Variants in NRXN1 observed in about 807,000 individuals in gnomAD.
NRXN1 encodes neurexin 1, also known as neurexin-1.
NRXN1 carries 39 observed loss-of-function variants against 150.9 expected under a neutral mutation model. That is an observed-to-expected ratio of 0.26 (90% CI 0.20 to 0.34). NRXN1 has a LOEUF of 0.34. Ranked by LOEUF, NRXN1 falls within the 10% of genes least tolerant of loss-of-function variation. The probability of loss-of-function intolerance (pLI) is 1.00; values close to 1 mark genes in which losing one functional copy is unlikely to be tolerated. For missense variants in NRXN1, 1,815 were observed against 1,949.9 expected (o/e 0.93, Z 1.30); for synonymous variants, 924 against 757.0 (o/e 1.22, Z -3.62).
At chr2:50,776,403 C>T (rs1703642071) in intron 5 of NRXN1, among the ~76,000 whole-genome samples, 1 of 152,010 alleles carries the variant, frequency 6.6e-6, no homozygotes, top group African/African-American at 2.4e-5. Flanking sequence ...GCCACATATA[C>T]TGCAGGAATT....
chr2:49,988,976 G>C (rs1240499867), intron 21 of NRXN1, among the ~76,000 whole-genome samples: 1 of 152,208 alleles, frequency 6.6e-6, no homozygotes, highest in Non-Finnish European at 1.5e-5. Context: ...TGCATGTACA[G>C]TGGGAATCTG....
chr2:50,800,876 T>G (rs184451808), intron 5 of NRXN1, among the ~76,000 whole-genome samples: 25 of 152,256 alleles, frequency 1.6e-4, no homozygotes, highest in African/African-American at 4.8e-4. Flanking sequence ...TAGCACTTGT[T>G]ACAAAAATCT....
At chr2:50,803,274 G>A (rs1707867189) in intron 5 of NRXN1, among the ~76,000 whole-genome samples, 1 of 152,126 alleles carries the variant, frequency 6.6e-6, no homozygotes, top group Non-Finnish European at 1.5e-5. Context: ...TGTCTATGAT[G>A]ATGATCTGAG....
At chr2:50,185,747 G>A (rs1373323216) in intron 18 of NRXN1, 1 of 152,048 alleles carries the variant, frequency 6.6e-6, no homozygotes, top group Non-Finnish European at 1.5e-5. Flanking sequence ...ATATTTGACT[G>A]TACAATAAAC....
chr2:50,880,451 A>G (rs1166703216), intron 5 of NRXN1, among the ~76,000 whole-genome samples: 3 of 152,012 alleles, frequency 2.0e-5, no homozygotes, highest in Admixed American at 6.6e-5. Flanking sequence ...TTCACAATTT[A>G]TAAGCATTAG....
chr2:50,338,528 G>T (rs187207895), intron 17 of NRXN1, among the ~76,000 whole-genome samples: 1 of 152,110 alleles, frequency 6.6e-6, no homozygotes, highest in Non-Finnish European at 1.5e-5. Flanking sequence ...ATACTAGATT[G>T]TAATATATTT....
At chr2:50,351,548 C>G (rs2078413468) in intron 17 of NRXN1, among the ~76,000 whole-genome samples, 1 of 152,102 alleles carries the variant, frequency 6.6e-6, no homozygotes, top group Non-Finnish European at 1.5e-5. Flanking sequence ...CGTGAATTAA[C>G]TAAATTTTAC....
intron 17 of NRXN1, among the ~76,000 whole-genome samples, chr2:50,271,236 G>A (rs2069580281): frequency 6.6e-6 from 1 of 152,112 alleles, no homozygotes; most frequent in Non-Finnish European, 1.5e-5. Flanking sequence ...TCTGATAATT[G>A]AACTTAGCTA....
intron 5 of NRXN1, among the ~76,000 whole-genome samples, chr2:50,716,056 T>C (rs960083509): frequency 1.3e-5 from 2 of 152,148 alleles, no homozygotes; most frequent in African/African-American, 4.8e-5. Flanking sequence ...TTATAAGCAG[T>C]AGTAAATGTG....
chr2:50,872,732 C>T (rs765743286), intron 5 of NRXN1, among the ~76,000 whole-genome samples: 36 of 151,408 alleles, frequency 2.4e-4, no homozygotes, highest in Non-Finnish European at 4.9e-4. Flanking sequence ...GTGCGAGGAC[C>T]ACTTGTGGCC....
chr2:50,560,480 G>A (rs1227838765), intron 8 of NRXN1, among the ~76,000 whole-genome samples: 7 of 145,064 alleles, frequency 4.8e-5, no homozygotes, highest in African/African-American at 1.8e-4. Context: ...TCACTCCGTC[G>A]CCCAGGCTGG....
At chr2:50,049,757 T>G (rs1483110389) in intron 21 of NRXN1, among the ~76,000 whole-genome samples, 1 of 152,102 alleles carries the variant, frequency 6.6e-6, no homozygotes, top group African/African-American at 2.4e-5. Flanking sequence ...CATAAGACAT[T>G]GCAAGTTTAA....
chr2:50,012,729 A>G (rs1450776863), intron 21 of NRXN1, among the ~76,000 whole-genome samples: 1 of 152,160 alleles, frequency 6.6e-6, no homozygotes, highest in African/African-American at 2.4e-5. Flanking sequence ...TACCATGGCT[A>G]TGTATACTGT....
At chr2:50,062,788 T>A (rs1276909634) in intron 19 of NRXN1, among the ~76,000 whole-genome samples, 1 of 152,202 alleles carries the variant, frequency 6.6e-6, no homozygotes, top group Non-Finnish European at 1.5e-5. Context: ...CACTCTTGTG[T>A]AATTTCTCCT....
chr2:50,381,833 C>T (rs940235393), intron 17 of NRXN1, among the ~76,000 whole-genome samples: 1 of 152,116 alleles, frequency 6.6e-6, no homozygotes, highest in Non-Finnish European at 1.5e-5. Context: ...CAGTGTAAGT[C>T]AACTGATCAG....
intron 17 of NRXN1, among the ~76,000 whole-genome samples, chr2:50,425,467 G>T (rs1477559821): frequency 6.6e-6 from 1 of 152,112 alleles, no homozygotes; most frequent in African/African-American, 2.4e-5. Flanking sequence ...TTGTGTTAAT[G>T]GCATCCTAGT....
intron 5 of NRXN1, among the ~76,000 whole-genome samples, chr2:50,820,472 T>C (rs952991561): frequency 5.3e-5 from 8 of 152,302 alleles, no homozygotes; most frequent in African/African-American, 1.9e-4. Flanking sequence ...TGTACTGCTA[T>C]GGACCTCATT....
Position 50,544,278 on chromosome 2 carries a change from A to C in NRXN1, c.1760-5642T>G, listed in dbSNP as rs146847934. On this transcript the variant is annotated intron_variant, in intron 9 of 22. Coordinates refer to ENST00000401669, the MANE Select transcript of NRXN1 (RefSeq NM_001330078.2). ...CATTGACAATAGGGTATAATGTAAA[A>C]TGTAAAATATATAATTATCATAAAA... Among the ~76,000 whole-genome samples, 1,001 of 152,216 alleles carry C rather than the reference A, an allele frequency of 6.6e-3. 6 individuals are homozygous for C. Among genetic ancestry groups the C allele is most frequent in the African/African-American group, 0.022 (925 of 41,570 alleles).
chr2:50,749,863 T>C (rs761954072), intron 5 of NRXN1, among the ~76,000 whole-genome samples: 17 of 152,090 alleles, frequency 1.1e-4, no homozygotes, highest in Non-Finnish European at 1.6e-4. Flanking sequence ...GAAATGGAAC[T>C]GGAAATGGAG....
Sources: allele counts gnomAD v4.1 joint callset (sites outside exome capture counted in the v4.1 genomes callset), GRCh38; gene constraint gnomAD v4.1.1; transcripts MANE v1.5; gene names NCBI Gene and HGNC (gene_info 2026-07-23, HGNC 2026-07-21).